The following TPPP variants were observed in gnomAD, a reference collection of about 807,000 sequenced individuals.
The protein encoded by TPPP is tubulin polymerization promoting protein, also known as tubulin polymerization-promoting protein.
TPPP carries 6 observed loss-of-function variants against 15.5 expected under a neutral mutation model. The ratio of observed to expected loss-of-function variants is 0.39; its 90% CI spans 0.21 to 0.77. TPPP has a LOEUF of 0.77. Ranked by LOEUF, TPPP falls within the 30% of genes least tolerant of loss-of-function variation. The pLI is 0.42. For synonymous variants in TPPP, 146 were observed against 133.9 expected, an observed-to-expected ratio of 1.09 and a Z score of -0.63; for missense variants, 269 against 307.2, an observed-to-expected ratio of 0.88 and a Z score of 0.93.
rs142528983 is a variant in TPPP at position 677,023 on chromosome 5, C to T, written c.311+727G>A. Reference sequence around the variant, plus strand: ...ACGTGCACACGCAGAAACGCGCACACGTGCACACACGACGCGGAAACGCAC... The same window carrying T: ...ACGTGCACACGCAGAAACGCGCACATGTGCACACACGACGCGGAAACGCAC... On this transcript the variant is annotated intron_variant, in intron 2 of 3. Transcript: ENST00000360578. 4.1e-3 allele frequency among the ~76,000 whole-genome samples: 614 copies of T among 149,594 alleles called. 1 individual carries two copies. Among genetic ancestry groups the T allele is most frequent in the Non-Finnish European group, 7.4e-3 (498 of 67,496 alleles).
intron 1 of TPPP, among the ~76,000 whole-genome samples, chr5:680,874 G>A (rs889853491): frequency 3.3e-5 from 5 of 152,234 alleles, no homozygotes; most frequent in African/African-American, 9.6e-5. Flanking sequence ...AATTAGGCAC[G>A]ACGTGCCGCT....
intron 2 of TPPP, among the ~76,000 whole-genome samples, chr5:668,752 C>T (rs1052025695): frequency 7.2e-5 from 11 of 152,350 alleles, no homozygotes; most frequent in East Asian, 3.9e-4. Context: ...CTGTTCTGCT[C>T]GTAGTCACCA....
At chr5:670,445 G>C (rs1282509161) in intron 2 of TPPP, among the ~76,000 whole-genome samples, 6 of 152,122 alleles carry the variant, frequency 3.9e-5, no homozygotes, top group African/African-American at 1.4e-4. Context: ...CCTGTACTTA[G>C]GCGAGTCTGA....
At chr5:666,493 C>T (rs573972413) in intron 2 of TPPP, among the ~76,000 whole-genome samples, 17 of 152,324 alleles carry the variant, frequency 1.1e-4, no homozygotes, top group African/African-American at 3.1e-4. Context: ...GCTGGGGCCC[C>T]GGCTCTGCCT....
At chr5:669,128 C>T (rs573154459) in intron 2 of TPPP, among the ~76,000 whole-genome samples, 150 of 152,308 alleles carry the variant, frequency 9.8e-4, no homozygotes, top group African/African-American at 3.5e-3. Context: ...GGGAGGGGAG[C>T]GGAGGCCTCG....
At position 677,965 on chromosome 5, in the gene TPPP, C is replaced by T. The variant is rs549762776; in HGVS notation, c.96G>A (p.Ser32=). The T allele has an allele frequency of 9.1e-5, 147 of 1,610,928 alleles. No homozygotes were observed. The South Asian group carries it at 1.3e-3, about 15-fold the overall frequency. The part of the protein sequence containing the change: ...PSKDRAAKRL[S]LESEGAGEGA... ...CCTCACCAGCACCCTCCGATTCCAG[C>T]GACAGCCTCTTGGCTGCCCGGTCCT... The change falls in exon 2 of 4, where the codon TCG becomes TCA. Residue 32 remains serine (S), a synonymous_variant. Transcript: ENST00000360578.
At chr5:694,372 G>A (rs1358839836), upstream of TPPP, among the ~76,000 whole-genome samples, 1 of 125,738 alleles carries the variant, frequency 8.0e-6, no homozygotes, top group African/African-American at 2.5e-5. Context: ...ACTTTCAGCT[G>A]GACTCTTCCA....
upstream of TPPP, among the ~76,000 whole-genome samples, chr5:696,754 G>T: frequency 2.5e-5 from 2 of 81,050 alleles, 1 homozygote; most frequent in Non-Finnish European, 5.8e-5. Flanking sequence ...GTGTGCACAT[G>T]CATGCGTGTG....
chr5:670,570 G>A (rs1284821384), intron 2 of TPPP, among the ~76,000 whole-genome samples: 22 of 152,108 alleles, frequency 1.4e-4, no homozygotes. Flanking sequence ...GGGGGGAGGG[G>A]GAGCTTCTGG....
upstream of TPPP, among the ~76,000 whole-genome samples, chr5:697,124 G>T (rs1256176859): frequency 8.6e-5 from 13 of 151,414 alleles, no homozygotes; most frequent in African/African-American, 2.7e-4. Flanking sequence ...TATTCTGGGG[G>T]TGGAATTGCT....
chr5:688,419 G>A (rs1740818963), intron 1 of TPPP, among the ~76,000 whole-genome samples: 1 of 150,560 alleles, frequency 6.6e-6, no homozygotes, highest in African/African-American at 2.4e-5. Flanking sequence ...ACGTTAGCCA[G>A]CACAGCAGTG....
chr5:672,562 G>A (rs1220005309), intron 2 of TPPP, among the ~76,000 whole-genome samples: 2 of 152,254 alleles, frequency 1.3e-5, no homozygotes, highest in Admixed American at 1.3e-4. Context: ...CAGTGAGCAA[G>A]GCTGGCAGAC....
At chr5:671,093 G>A (rs549937242) in intron 2 of TPPP, among the ~76,000 whole-genome samples, 6 of 152,308 alleles carry the variant, frequency 3.9e-5, no homozygotes, top group South Asian at 2.1e-4. Flanking sequence ...ACAGCCGGTC[G>A]GGGGGCTGCC....
At chr5:677,135 G>T (rs376938142) in intron 2 of TPPP, among the ~76,000 whole-genome samples, 2 of 152,274 alleles carry the variant, frequency 1.3e-5, no homozygotes, top group African/African-American at 4.8e-5. Flanking sequence ...GGCCGGAGCC[G>T]CCTCCTTGGT....
intron 2 of TPPP, among the ~76,000 whole-genome samples, chr5:667,868 A>G (rs374577667): frequency 4.4e-4 from 36 of 81,852 alleles, no homozygotes; most frequent in African/African-American, 1.6e-3. Context: ...TCAGGGAAGT[A>G]CCGACAAGCA....
At chr5:665,936 T>A in intron 3 of TPPP, 34 bp downstream of exon 3, 10 of 254,614 alleles carry the variant, frequency 3.9e-5, no homozygotes, top group African/African-American at 2.1e-4. Context: ...CCCCACCCCC[T>A]CCAGGCCCCG....
chr5:663,357 T>G lies in TPPP; in HGVS notation c.*1745A>C, dbSNP rs1338893225. 6 of 152,342 alleles carry G rather than the reference T, an allele frequency of 3.9e-5. No individual in the cohort carries two copies. The highest frequency in any genetic ancestry group is 3.9e-4 in the Admixed American group (6 of 15,292). The allele number at this position is 152,342 out of a possible 1,614,324, so 9.4% of individuals were successfully genotyped here. A position where few individuals can be genotyped will look rare whatever the true frequency, so the allele number is the denominator to read the frequency against. On this transcript the variant is annotated 3_prime_UTR_variant, in exon 4 of 4. Coordinates refer to ENST00000360578, the MANE Select transcript of TPPP (RefSeq NM_007030.3). ...CCCCGCCTTCCCCAGGCCGGTGAGG[T>G]GACATCCTAAAGGAGCCACGAAGCC...
At chr5:666,685 G>A (rs1689668) in intron 2 of TPPP, among the ~76,000 whole-genome samples, 28,239 of 152,240 alleles carry the variant, frequency 0.19, 2,961 homozygotes, top group East Asian at 0.36. Flanking sequence ...TGCAGAGCCC[G>A]GTGGGCCGGA....
chr5:664,211 C>G lies in TPPP; in HGVS notation c.*891G>C, dbSNP rs543717958. ...GGTGCAGCTAGTGAGGACGGGCGAA[C>G]GGGAGGGCCGGGCAGAGGCTCTGTC... On this transcript the variant is annotated 3_prime_UTR_variant, in exon 4 of 4. Coordinates refer to ENST00000360578, the MANE Select transcript of TPPP (RefSeq NM_007030.3). 6.5e-6 allele frequency: 1 copy of G among 152,704 alleles called. No homozygotes were observed. Among genetic ancestry groups the G allele is most frequent in the South Asian group, 2.1e-4 (1 of 4,830 alleles). The allele number at this position is 152,704 out of a possible 1,614,324, so 9.5% of individuals were successfully genotyped here.
Sources: allele counts gnomAD v4.1 joint callset (sites outside exome capture counted in the v4.1 genomes callset), GRCh38; gene constraint gnomAD v4.1.1; transcripts MANE v1.5; gene names NCBI Gene and HGNC (gene_info 2026-07-23, HGNC 2026-07-21).